Variants in AMPH observed in about 807,000 individuals in gnomAD.
AMPH encodes the protein amphiphysin (Stiff-Mann syndrome with breast cancer 128kD autoantigen).
A neutral mutation model predicts 99.1 loss-of-function variants in AMPH; 49 were observed. That is an observed-to-expected ratio of 0.49 (90% CI 0.39 to 0.63). The LOEUF is 0.63. Among genes scored for constraint, AMPH ranks in the 20% least tolerant of loss-of-function variants. The pLI is 0.00. For synonymous variants in AMPH, 314 were observed against 317.3 expected, an observed-to-expected ratio of 0.99 and a Z score of 0.11; for missense variants, 759 against 863.4, an observed-to-expected ratio of 0.88 and a Z score of 1.52.
At chr7:38,575,938 G>C (rs1562839064) in intron 1 of AMPH, among the ~76,000 whole-genome samples, 1 of 152,102 alleles carries the variant, frequency 6.6e-6, no homozygotes. Flanking sequence ...GGTGGCAAAG[G>C]CACCCCCTGG....
intron 1 of AMPH, among the ~76,000 whole-genome samples, chr7:38,588,460 A>G (rs1792743183): frequency 6.6e-6 from 1 of 152,182 alleles, no homozygotes; most frequent in South Asian, 2.1e-4. Context: ...TGTAATCACC[A>G]TACTGCTTTT....
At chr7:38,478,215 C>A (rs1788158018) in intron 5 of AMPH, among the ~76,000 whole-genome samples, 1 of 152,096 alleles carries the variant, frequency 6.6e-6, no homozygotes, top group African/African-American at 2.4e-5. Context: ...GGGGTCTCTA[C>A]AGGCATACAA....
intron 17 of AMPH, among the ~76,000 whole-genome samples, chr7:38,414,236 G>A (rs1785300388): frequency 1.3e-5 from 2 of 152,158 alleles, no homozygotes; most frequent in Admixed American, 1.3e-4. Context: ...CAAGTTTAGT[G>A]GTAAAATTTT....
chr7:38,520,512 T>C (rs1395513962), intron 2 of AMPH, among the ~76,000 whole-genome samples: 1 of 152,210 alleles, frequency 6.6e-6, no homozygotes, highest in African/African-American at 2.4e-5. Flanking sequence ...CTAGAAGCCA[T>C]TGAAGGTTTG....
At chr7:38,573,098 TGAAAA>T (rs1417027186) in intron 1 of AMPH, among the ~76,000 whole-genome samples, 2 of 152,206 alleles carry the variant, frequency 1.3e-5, no homozygotes, top group African/African-American at 4.8e-5. Context: ...TTGAAGGCTC[TGAAAA>T]GAAATTTTCT....
At chr7:38,616,740 A>G (rs1793886133) in intron 1 of AMPH, among the ~76,000 whole-genome samples, 1 of 152,216 alleles carries the variant, frequency 6.6e-6, no homozygotes, top group South Asian at 2.1e-4. Flanking sequence ...TAAAATTCAT[A>G]AGAGTATATA....
chr7:38,431,183 A>T (rs773331943), intron 13 of AMPH, among the ~76,000 whole-genome samples: 21 of 152,208 alleles, frequency 1.4e-4, no homozygotes, highest in Non-Finnish European at 2.4e-4. Flanking sequence ...TGGAGTAGTT[A>T]TCCTTACACA....
intron 2 of AMPH, among the ~76,000 whole-genome samples, chr7:38,531,727 G>A (rs1440615145): frequency 6.6e-6 from 1 of 152,172 alleles, no homozygotes; most frequent in Non-Finnish European, 1.5e-5. Context: ...CACTACTTGA[G>A]TGTGGTCAGG....
In AMPH at chr7:38,461,200, G is replaced by C. The variant is rs546475244; in HGVS notation, c.1017+83C>G. 7.3e-6 allele frequency: 11 copies of C among 1,514,250 alleles called. No homozygotes were observed. The East Asian group carries it at 2.5e-4, about 35-fold the overall frequency. The allele number at this position is 1,514,250 out of a possible 1,614,324, so 93.8% of individuals were successfully genotyped here. On this transcript the variant is annotated intron_variant, in intron 11 of 20. Coordinates refer to ENST00000356264, the MANE Select transcript of AMPH (RefSeq NM_001635.4). ...AAATTATGTTGTTGGTTCTGGAACC[G>C]CCACTTTCTTTAGGGCTAGCCCCTG...
rs1236411397 is a variant in AMPH, at chr7:38,391,782, G to T, written c.1844C>A (p.Ala615Asp). The T allele has an allele frequency of 6.2e-7, 1 of 1,613,924 alleles. No homozygotes were observed. Among genetic ancestry groups the T allele is most frequent in the Non-Finnish European group, 8.5e-7 (1 of 1,179,974 alleles). ...AAAGCCAGGAGGCAATTCCTGAGAG[G>T]CCTCCCTTGCAGATGCTAGCTGGTC... ...AADQLASARE[A>D]SQELPPGFLY... Residue 615 changes from alanine (A) to aspartate (D), a missense_variant, in exon 19 of 21, where the codon GCC (alanine) becomes GAC (aspartate). Around this residue, in one of 2 missense-constraint regions of AMPH, gnomAD observed 554 missense variants for 575.6 expected, o/e 0.96. Transcript: ENST00000356264.
intron 10 of AMPH, among the ~76,000 whole-genome samples, chr7:38,462,389 T>C (rs1307582689): frequency 6.6e-6 from 1 of 152,194 alleles, no homozygotes; most frequent in Non-Finnish European, 1.5e-5. Context: ...GGACTATAAA[T>C]TTTTCTACAG....
intron 2 of AMPH, among the ~76,000 whole-genome samples, chr7:38,524,566 G>A (rs1296970981): frequency 2.0e-5 from 3 of 152,026 alleles, no homozygotes; most frequent in African/African-American, 4.8e-5. Context: ...GGATAGTGTC[G>A]TTTTTGGATA....
At chr7:38,469,868 C>T (rs977707158) in intron 7 of AMPH, among the ~76,000 whole-genome samples, 1 of 152,174 alleles carries the variant, frequency 6.6e-6, no homozygotes, top group African/African-American at 2.4e-5. Context: ...TTGGATCTTG[C>T]CATGACTCAC....
At chr7:38,556,202 C>T (rs1460265529) in intron 1 of AMPH, among the ~76,000 whole-genome samples, 1 of 152,032 alleles carries the variant, frequency 6.6e-6, no homozygotes, top group African/African-American at 2.4e-5. Flanking sequence ...TTCAACAAAA[C>T]AGCCTTGAAA....
chr7:38,528,453 T>C lies in AMPH; in HGVS notation c.150+6478A>G, dbSNP rs919817793. ...TTCAAATTGTCTATTTCACCTTGAT[T>C]AAGTTTTAGTGGTTTGTGATTGTAA... On this transcript the variant is annotated intron_variant, in intron 2 of 20. Transcript: ENST00000356264. Among the ~76,000 whole-genome samples the C allele has an allele frequency of 2.0e-5, 3 of 152,168 alleles. 1 individual carries two copies. Among genetic ancestry groups the C allele is most frequent in the Non-Finnish European group, 2.9e-5 (2 of 68,022 alleles).
rs948866903 is a variant in AMPH at position 38,412,150 on chromosome 7, G to A, written c.1398+5675C>T. ...TGAGGTGATGAAAATGTTTTGGAAC[G>A]AGATAGAGGTGATGACTGTACAACA... On this transcript the variant is annotated intron_variant, in intron 17 of 20. Coordinates refer to ENST00000356264, the MANE Select transcript of AMPH (RefSeq NM_001635.4). Among the ~76,000 whole-genome samples, 11 of 152,286 alleles carry A rather than the reference G, an allele frequency of 7.2e-5. No homozygotes were observed. In the South Asian group the frequency reaches 1.2e-3, roughly 17 times the overall value.
chr7:38,406,731 C>CCT lies in AMPH; in HGVS notation c.1398+11092_1398+11093dup, dbSNP rs56738810. 6.9e-3 allele frequency among the ~76,000 whole-genome samples: 554 copies of CCT among 80,510 alleles called. 11 individuals are homozygous for CCT. Among genetic ancestry groups the CCT allele is most frequent in the African/African-American group, 0.022 (397 of 18,196 alleles). The allele number at this position is 80,510 out of a possible 152,430, so 52.8% of individuals were successfully genotyped here. A position where few individuals can be genotyped will look rare whatever the true frequency, so the allele number is the denominator to read the frequency against. On this transcript the variant is annotated intron_variant, in intron 17 of 20. Coordinates refer to ENST00000356264, the MANE Select transcript of AMPH (RefSeq NM_001635.4). ...CTCCTCTCCTCTCTCTCTCCCTTTC[C>CCT]CTCTCTCTCTCTCTCTCTCTCTCTC...
intron 13 of AMPH, among the ~76,000 whole-genome samples, chr7:38,431,869 AGT>A (rs1368321682): frequency 6.6e-6 from 1 of 152,072 alleles, no homozygotes; most frequent in Non-Finnish European, 1.5e-5. Flanking sequence ...CTTCTATTTA[AGT>A]GTGTGTGTCC....
At chr7:38,596,453 T>C (rs1793063258) in intron 1 of AMPH, among the ~76,000 whole-genome samples, 1 of 152,122 alleles carries the variant, frequency 6.6e-6, no homozygotes. Context: ...AAGTTTTGTA[T>C]GTTGAGACAC....
Sources: gnomAD v4.1 joint callset for allele counts (sites outside exome capture counted in the v4.1 genomes callset) on GRCh38, gnomAD v4.1.1 for gene constraint, gnomAD v4.1.1 regional missense constraint, MANE v1.5 for transcripts, NCBI Gene and HGNC (gene_info 2026-07-23, HGNC 2026-07-21) for gene names.